Variants in ACOX2 observed in about 807,000 individuals in gnomAD.
The protein encoded by ACOX2 is acyl-CoA oxidase 2.
ACOX2 carries 59 observed loss-of-function variants against 77.5 expected under a neutral mutation model. The ratio of observed to expected loss-of-function variants is 0.76; its 90% CI spans 0.62 to 0.95. The LOEUF is 0.95. ACOX2 is among the 40% of genes least tolerant of loss of function. The pLI, the probability that ACOX2 is intolerant of heterozygous loss-of-function variation, is 0.00. For synonymous variants in ACOX2, 317 were observed against 340.1 expected (o/e 0.93, Z 0.75); for missense variants, 837 against 880.4 (o/e 0.95, Z 0.62).
intron 13 of ACOX2, among the ~76,000 whole-genome samples, chr3:58,509,337 G>A (rs774677726): frequency 4.0e-5 from 6 of 151,804 alleles, no homozygotes; most frequent in Non-Finnish European, 8.8e-5. Context: ...ACCATCCTGG[G>A]TAACATGGTG....
At position 58,522,522 on chromosome 3, in the gene ACOX2, T is replaced by C. The variant is rs2063365541; in HGVS notation, c.1606A>G (p.Thr536Ala). ...TTAGCAGCCTGGAGGTGTATGACAG[T>C]GGTCTGGTTCCAAGCCTCGTGCTGG... ...ADQHEAWNQT[T>A]VIHLQAAKVH... Residue 536 changes from threonine to alanine, a missense_variant, in exon 12 of 15, where the codon ACT (threonine) becomes GCT (alanine). Thr to Ala is a moderately conservative substitution (Grantham distance 58). Transcript: ENST00000302819. The surrounding 1 kb of genome is among the most constrained non-coding windows in gnomAD (Gnocchi z 4.3). 3.1e-6 allele frequency: 5 copies of C among 1,614,016 alleles called. No homozygotes were observed. The African/African-American group carries it at 4.0e-5, about 13-fold the overall frequency.
In ACOX2 at chr3:58,535,322, C is replaced by T; in HGVS notation, c.-91-125G>A. 1.7e-6 allele frequency: 1 copy of T among 602,744 alleles called. No individual in the cohort carries two copies. Among genetic ancestry groups the T allele is most frequent in the Non-Finnish European group, 2.9e-6 (1 of 339,662 alleles). The allele number at this position is 602,744 out of a possible 1,614,324, so 37.3% of individuals were successfully genotyped here. A position where few individuals can be genotyped will look rare whatever the true frequency, so the allele number is the denominator to read the frequency against. ...TCCCCCTGTGGACACTGGCTGTGGA[C>T]CAGGCACTGTGTGCATGGTAGGCAT... On this transcript the variant is annotated intron_variant, in intron 1 of 14. Transcript: ENST00000302819. The surrounding 1 kb of genome is among the most constrained non-coding windows in gnomAD (Gnocchi z 4.8).
At chr3:58,516,884 T>C (rs2063324882) in intron 13 of ACOX2, among the ~76,000 whole-genome samples, 1 of 152,166 alleles carries the variant, frequency 6.6e-6, no homozygotes, top group African/African-American at 2.4e-5. Context: ...AGACTATTAT[T>C]AGCACATTAG....
rs143152801 is a variant in ACOX2, at chr3:58,517,232, G to T, written c.1824C>A (p.Ala608=). 5 of 1,614,004 alleles carry T rather than the reference G, an allele frequency of 3.1e-6. No individual in the cohort carries two copies. The highest frequency in any genetic ancestry group is 1.7e-4 in the Middle Eastern group (1 of 6,046). ...GGATCAGGCGGAGCAGGTCCAGGTAGGCTGTTCTTGCCATGTCCACTTGGG... is the reference window on the plus strand; with the variant it reads ...GGATCAGGCGGAGCAGGTCCAGGTATGCTGTTCTTGCCATGTCCACTTGGG... ...SGAQVDMART[A]YLDLLRLIRK... The change falls in exon 13 of 15, where the codon GCC becomes GCA. Residue 608 remains alanine (A), a synonymous_variant. Coordinates refer to ENST00000302819, the MANE Select transcript of ACOX2 (RefSeq NM_003500.4).
At chr3:58,511,145 A>C (rs754302375) in intron 13 of ACOX2, 36 of 438,882 alleles carry the variant, frequency 8.2e-5, no homozygotes, top group Non-Finnish European at 1.5e-4. Context: ...CTCTCAGCTC[A>C]GGCCTCAGTC....
At position 58,534,806 on chromosome 3, in the gene ACOX2, A is replaced by G. The variant is rs1307498750; in HGVS notation, c.160+141T>C. 4.2e-6 allele frequency: 6 copies of G among 1,428,048 alleles called. No homozygotes were observed. Among genetic ancestry groups the G allele is most frequent in the Non-Finnish European group, 5.8e-6 (6 of 1,031,392 alleles). The allele number at this position is 1,428,048 out of a possible 1,614,324, so 88.5% of individuals were successfully genotyped here. A position where few individuals can be genotyped will look rare whatever the true frequency, so the allele number is the denominator to read the frequency against. On this transcript the variant is annotated intron_variant, in intron 2 of 14. Coordinates refer to ENST00000302819, the MANE Select transcript of ACOX2 (RefSeq NM_003500.4). This position sits in a 1 kb window ranked among gnomAD's most constrained non-coding sequence, Gnocchi z 4.8. ...ATTGACATGTGAAGATTGTCTTTAC[A>G]GTTCGAAGGAATGAATCTCTAACAG...
Position 58,524,674 on chromosome 3 carries a change from C to G in ACOX2, c.1347-69G>C. ...TGAGACAGCCCAGCACCCCTCACTCCCAGAGACAGGCAAGCTCATGCTAGG... is the reference window on the plus strand; with the variant it reads ...TGAGACAGCCCAGCACCCCTCACTCGCAGAGACAGGCAAGCTCATGCTAGG... On this transcript the variant is annotated intron_variant, in intron 10 of 14. Coordinates refer to ENST00000302819, the MANE Select transcript of ACOX2 (RefSeq NM_003500.4). This position sits in a 1 kb window ranked among gnomAD's most constrained non-coding sequence, Gnocchi z 5.5. 3.3e-6 allele frequency: 5 copies of G among 1,499,080 alleles called. No individual in the cohort carries two copies. The highest frequency in any genetic ancestry group is 3.6e-6 in the Non-Finnish European group (4 of 1,099,758). 92.9% of individuals were successfully genotyped at this position (1,499,080 alleles called of 1,614,324 possible). A position where few individuals can be genotyped will look rare whatever the true frequency, so the allele number is the denominator to read the frequency against.
chr3:58,522,618 A>G lies in ACOX2; in HGVS notation c.1527-17T>C. 9.3e-6 allele frequency: 15 copies of G among 1,612,728 alleles called. No individual in the cohort carries two copies. Among genetic ancestry groups the G allele is most frequent in the East Asian group, 2.2e-5 (1 of 44,888 alleles). The stretch of plus-strand genomic sequence containing the variant: ...TTTATGAGCCTGAAAGCCAAAGCAA[A>G]AAAGGTTCAGCTTCCTGACTGAGTG... On this transcript the variant is annotated splice_polypyrimidine_tract_variant and intron_variant, in intron 11 of 14. Coordinates refer to ENST00000302819, the MANE Select transcript of ACOX2 (RefSeq NM_003500.4). The surrounding 1 kb of genome is among the most constrained non-coding windows in gnomAD (Gnocchi z 4.3).
At position 58,533,822 on chromosome 3, in the gene ACOX2, T is replaced by G. The variant is rs2063458325; in HGVS notation, c.475+172A>C. On this transcript the variant is annotated intron_variant, in intron 4 of 14. Coordinates refer to ENST00000302819, the MANE Select transcript of ACOX2 (RefSeq NM_003500.4). This position sits in a 1 kb window ranked among gnomAD's most constrained non-coding sequence, Gnocchi z 5.6. ...TGGGAGCTCATACAATACGTGCAAA[T>G]TAGAAGGTGGCACCCCTTCCTCAGG... is the stretch of plus-strand genomic sequence containing the variant. The G allele has an allele frequency of 1.2e-6, 1 of 857,146 alleles. No individual in the cohort carries two copies. Among genetic ancestry groups the G allele is most frequent in the Non-Finnish European group, 1.8e-6 (1 of 566,644 alleles). The allele number at this position is 857,146 out of a possible 1,614,324, so 53.1% of individuals were successfully genotyped here.
chr3:58,525,878 A>G lies in ACOX2; in HGVS notation c.1346+588T>C, dbSNP rs1367578483. Among the ~76,000 whole-genome samples the G allele has an allele frequency of 2.0e-5, 3 of 151,998 alleles. No homozygotes were observed. Among genetic ancestry groups the G allele is most frequent in the African/African-American group, 7.2e-5 (3 of 41,398 alleles). ...TCTCTACTAAAAATACAAAAATTAG[A>G]TGGGCATGGTGGTGTGTAATCCCAG... On this transcript the variant is annotated intron_variant, in intron 10 of 14. Coordinates refer to ENST00000302819, the MANE Select transcript of ACOX2 (RefSeq NM_003500.4). This position sits in a 1 kb window ranked among gnomAD's most constrained non-coding sequence, Gnocchi z 5.0.
chr3:58,510,991 C>T (rs989316896), intron 13 of ACOX2: 3 of 456,394 alleles, frequency 6.6e-6, no homozygotes, highest in Non-Finnish European at 1.3e-5. Context: ...TCTCTTTGAT[C>T]CTCAGATTGA....
intron 13 of ACOX2, chr3:58,511,055 C>T: frequency 2.2e-6 from 1 of 456,650 alleles, no homozygotes; most frequent in Non-Finnish European, 4.4e-6. Flanking sequence ...TCGTATTTCA[C>T]TAATGAAGTG....
rs1436822608 is a variant in ACOX2, at chr3:58,515,300, T to C, written c.1850+1906A>G. ...CCTCCCAAAGTGCTGGGATTGCAGG[T>C]ATTAGCCACCGCGCCTGGCCTGAAC... On this transcript the variant is annotated intron_variant, in intron 13 of 14. Coordinates refer to ENST00000302819, the MANE Select transcript of ACOX2 (RefSeq NM_003500.4). The surrounding 1 kb of genome is among the most constrained non-coding windows in gnomAD (Gnocchi z 4.0). 1.3e-5 allele frequency among the ~76,000 whole-genome samples: 2 copies of C among 152,104 alleles called. No homozygotes were observed. The highest frequency in any genetic ancestry group is 2.9e-5 in the Non-Finnish European group (2 of 68,020).
In ACOX2 at chr3:58,524,090, A is replaced by G. The variant is rs531571010; in HGVS notation, c.1526+336T>C. Among the ~76,000 whole-genome samples the G allele has an allele frequency of 6.6e-6, 1 of 152,372 alleles. No homozygotes were observed. Among genetic ancestry groups the G allele is most frequent in the Admixed American group, 6.5e-5 (1 of 15,310 alleles). ...TATTGCTTTATTTATTGGTATTTGC[A>G]TATCAATACATTTGGAGTATTTACA... On this transcript the variant is annotated intron_variant, in intron 11 of 14. Coordinates refer to ENST00000302819, the MANE Select transcript of ACOX2 (RefSeq NM_003500.4). This position sits in a 1 kb window ranked among gnomAD's most constrained non-coding sequence, Gnocchi z 5.5.
rs2063435983 is a variant in ACOX2, at chr3:58,531,227, C to T, written c.819+24G>A. The T allele has an allele frequency of 6.3e-7, 1 of 1,598,082 alleles. No homozygotes were observed. Among genetic ancestry groups the T allele is most frequent in the Non-Finnish European group, 8.6e-7 (1 of 1,169,070 alleles). ...GGTCCCCTCTCCAGGAAGTACAAGT[C>T]CCCGGCCTCCCCAGATCTGTAACCT... On this transcript the variant is annotated intron_variant, in intron 7 of 14. Transcript: ENST00000302819. The surrounding 1 kb of genome is among the most constrained non-coding windows in gnomAD (Gnocchi z 5.8).
At position 58,524,380 on chromosome 3, in the gene ACOX2, G is replaced by A. The variant is rs1454031061; in HGVS notation, c.1526+46C>T. The A allele has an allele frequency of 6.3e-7, 1 of 1,591,504 alleles. No individual in the cohort carries two copies. The highest frequency in any genetic ancestry group is 1.3e-5 in the African/African-American group (1 of 74,548). On this transcript the variant is annotated intron_variant, in intron 11 of 14. Transcript: ENST00000302819. This position sits in a 1 kb window ranked among gnomAD's most constrained non-coding sequence, Gnocchi z 5.5. ...AATCCAAAGGCCCTAGTGTGGCATG[G>A]AGCCTGTGCCCAGGTGGGATGGCTG...
In ACOX2 at chr3:58,514,882, C is replaced by T. The variant is rs1236782121; in HGVS notation, c.1850+2324G>A. Among the ~76,000 whole-genome samples, 1 of 152,102 alleles carries T rather than the reference C, an allele frequency of 6.6e-6. No homozygotes were observed. The highest frequency in any genetic ancestry group is 1.5e-5 in the Non-Finnish European group (1 of 68,028). ...CTGAGAGTTTCAAAAAGATGGACAC[C>T]CTTGGGCTTGAACTGTGCAGTACTT... On this transcript the variant is annotated intron_variant, in intron 13 of 14. Coordinates refer to ENST00000302819, the MANE Select transcript of ACOX2 (RefSeq NM_003500.4). The surrounding 1 kb of genome is among the most constrained non-coding windows in gnomAD (Gnocchi z 4.3).
At position 58,523,943 on chromosome 3, in the gene ACOX2, G is replaced by C. The variant is rs1218036557; in HGVS notation, c.1526+483C>G. On this transcript the variant is annotated intron_variant, in intron 11 of 14. Transcript: ENST00000302819. The surrounding 1 kb of genome is among the most constrained non-coding windows in gnomAD (Gnocchi z 5.3). ...TGAATGACAGAATGGATGAGTCCTTGGTTTTGTCCATGTTCCCTGGAGCCT... is the reference window on the plus strand; with the variant it reads ...TGAATGACAGAATGGATGAGTCCTTCGTTTTGTCCATGTTCCCTGGAGCCT... Among the ~76,000 whole-genome samples the C allele has an allele frequency of 1.3e-5, 2 of 152,074 alleles. No individual in the cohort carries two copies. Among genetic ancestry groups the C allele is most frequent in the Admixed American group, 1.3e-4 (2 of 15,262 alleles).
intron 1 of ACOX2, 109 bp downstream of exon 1, chr3:58,537,010 T>G (rs1426841484): frequency 6.6e-6 from 1 of 152,362 alleles, no homozygotes; most frequent in Non-Finnish European, 1.5e-5. Flanking sequence ...AGGTGCCCAG[T>G]GAAGAAAGCC....
Sources: gnomAD v4.1 joint callset for allele counts (sites outside exome capture counted in the v4.1 genomes callset) on GRCh38, gnomAD v4.1.1 for gene constraint, Gnocchi (gnomAD v3.1) non-coding constraint, MANE v1.5 for transcripts, NCBI Gene and HGNC (gene_info 2026-07-23, HGNC 2026-07-21) for gene names.